The following DCLRE1C variants were observed in gnomAD, a reference collection of about 807,000 sequenced individuals.
The protein encoded by DCLRE1C is DNA cross-link repair 1C, also known as protein artemis.
A neutral mutation model predicts 61.4 loss-of-function variants in DCLRE1C; 47 were observed. The ratio of observed to expected loss-of-function variants is 0.77; its 90% CI spans 0.61 to 0.98. The LOEUF (loss-of-function observed/expected upper bound fraction) is 0.98, where lower values mean the gene tolerates loss of function less well. DCLRE1C is among the 50% of genes least tolerant of loss of function. The probability of loss-of-function intolerance (pLI) is 0.00; values close to 1 mark genes in which losing one functional copy is unlikely to be tolerated. For synonymous variants in DCLRE1C, 337 were observed against 287.6 expected (o/e 1.17, Z -1.74); for missense variants, 858 against 816.0 (o/e 1.05, Z -0.63).
chr10:14,946,006 C>CTTTT (rs927822514), intron 2 of DCLRE1C, among the ~76,000 whole-genome samples: 1 of 125,588 alleles, frequency 8.0e-6, no homozygotes, highest in Non-Finnish European at 1.7e-5. Flanking sequence ...TCATAATAAA[C>CTTTT]TTTTTTTTTC....
upstream of DCLRE1C, chr10:14,954,369 G>C (rs140710760): frequency 8.5e-3 from 3,230 of 380,286 alleles, 67 homozygotes; most frequent in South Asian, 0.042. Context: ...TCCCAGAGCA[G>C]GTGGCCCCAG....
At chr10:14,951,389 C>CAAAAAAAAAAAAAAA (rs60272216) in intron 1 of DCLRE1C, among the ~76,000 whole-genome samples, 3 of 46,036 alleles carry the variant, frequency 6.5e-5, no homozygotes, top group Admixed American at 3.8e-4. Context: ...AACCCTGTCT[C>CAAAAAAAAAAAAAAA]AAAAAAAAAA....
chr10:14,948,028 C>T (rs559854937), intron 2 of DCLRE1C, among the ~76,000 whole-genome samples: 2 of 151,974 alleles, frequency 1.3e-5, no homozygotes, highest in Non-Finnish European at 2.9e-5. Context: ...CCAGCCTGGG[C>T]GACAGAGCAA....
Position 14,909,227 on chromosome 10 carries a change from T to C in DCLRE1C, c.1260A>G (p.Ala420=). 6.2e-7 allele frequency: 1 copy of C among 1,614,048 alleles called. No individual in the cohort carries two copies. The highest frequency in any genetic ancestry group is 8.5e-7 in the Non-Finnish European group (1 of 1,179,982). ...TFHPEVFSMT[A]VSEKQPEKLR... The stretch of plus-strand genomic sequence containing the variant: ...GTTTTTCAGGCTGCTTTTCTGATAC[T>C]GCAGTCATTGAAAATACCTCAGGGT... The change falls in exon 14 of 14, where the codon GCA becomes GCG. Residue 420 remains alanine, a synonymous_variant. Coordinates refer to ENST00000378278, the MANE Select transcript of DCLRE1C (RefSeq NM_001033855.3).
intron 1 of DCLRE1C, among the ~76,000 whole-genome samples, chr10:14,951,651 AC>A (rs1244045417): frequency 6.6e-6 from 1 of 152,100 alleles, no homozygotes; most frequent in Non-Finnish European, 1.5e-5. Flanking sequence ...TGGAGAGGGC[AC>A]TTTTCCTAAC....
intron 2 of DCLRE1C, among the ~76,000 whole-genome samples, chr10:14,948,768 G>C (rs1842040943): frequency 6.7e-6 from 1 of 148,730 alleles, no homozygotes; most frequent in Non-Finnish European, 1.5e-5. Context: ...TATTTGGTAG[G>C]ATTATATATA....
chr10:14,927,048 A>G (rs1838123070), intron 10 of DCLRE1C, 151 bp from the exon 11 acceptor site: 1 of 699,024 alleles, frequency 1.4e-6, no homozygotes, highest in East Asian at 2.8e-5. Context: ...TAAATCAGGA[A>G]TTTCTTCTTG....
chr10:14,904,522 A>C (rs983435214), downstream of DCLRE1C, among the ~76,000 whole-genome samples: 3 of 152,118 alleles, frequency 2.0e-5, no homozygotes, highest in Non-Finnish European at 4.4e-5. Flanking sequence ...GTGTTTTACC[A>C]TCTAGTTATT....
chr10:14,898,190 G>T (rs1833725776), exon 14 of DCLRE1C: 1 of 136,686 alleles, frequency 7.3e-6, no homozygotes, highest in South Asian at 2.3e-4. Flanking sequence ...ACTCAGTGAG[G>T]TAGTACTGTT....
chr10:14,925,806 T>C (rs41298920), intron 11 of DCLRE1C, among the ~76,000 whole-genome samples: 6,916 of 152,262 alleles, frequency 0.045, 188 homozygotes, highest in Admixed American at 0.074. Flanking sequence ...TGGCACTTAA[T>C]AGATGGCAAA....
Position 14,935,645 on chromosome 10 carries a change from A to C in DCLRE1C, c.363-81T>G, listed in dbSNP as rs184513787. ...GCAAATACATGTGAGCTGCATACTA[A>C]ATGCTTCCTGCAAACATATCCATTA... On this transcript the variant is annotated intron_variant, in intron 5 of 13. Transcript: ENST00000378278. 1.4e-3 allele frequency: 1,872 copies of C among 1,318,572 alleles called. 1 individual carries two copies. Among genetic ancestry groups the C allele is most frequent in the Admixed American group, 2.9e-3 (174 of 59,038 alleles). 81.7% of individuals were successfully genotyped at this position (1,318,572 alleles called of 1,614,324 possible).
chr10:14,927,981 T>A (rs1390742334), intron 10 of DCLRE1C, 35 bp downstream of exon 10: 1 of 1,610,606 alleles, frequency 6.2e-7, no homozygotes, highest in Admixed American at 1.7e-5. Context: ...TTACTCAAAG[T>A]TTCTCTCAGA....
chr10:14,951,875 T>C (rs1425198540), intron 1 of DCLRE1C, among the ~76,000 whole-genome samples: 1 of 152,136 alleles, frequency 6.6e-6, no homozygotes, highest in Non-Finnish European at 1.5e-5. Context: ...ATATGAATTT[T>C]GTGGAGATAG....
chr10:14,915,574 T>C (rs1836043794), intron 13 of DCLRE1C, among the ~76,000 whole-genome samples: 1 of 151,306 alleles, frequency 6.6e-6, no homozygotes, highest in African/African-American at 2.4e-5. Flanking sequence ...TTACCAAAGT[T>C]AACTCAATAA....
Position 14,953,893 on chromosome 10 carries a change from C to T in DCLRE1C, c.109+9G>A. 1.2e-6 allele frequency: 2 copies of T among 1,613,880 alleles called. No homozygotes were observed. Among genetic ancestry groups the T allele is most frequent in the Non-Finnish European group, 1.7e-6 (2 of 1,179,916 alleles). ...CCCCGGGAGCGGGCGACGCGCAGCC[C>T]TCACTCACCTTTGTGGCAGTGGGAC... On this transcript the variant is annotated intron_variant, in intron 1 of 13. Transcript: ENST00000378278.
chr10:14,929,502 G>A lies in DCLRE1C; in HGVS notation c.781-1350C>T, dbSNP rs951469562. ...ACAAAAAAATGTAAAAATTAGCCAGGTGGGTGGTACACAACTGCAGTCCCA... is the reference window on the plus strand; with the variant it reads ...ACAAAAAAATGTAAAAATTAGCCAGATGGGTGGTACACAACTGCAGTCCCA... On this transcript the variant is annotated intron_variant, in intron 9 of 13. Coordinates refer to ENST00000378278, the MANE Select transcript of DCLRE1C (RefSeq NM_001033855.3). Among the ~76,000 whole-genome samples, 3 of 151,160 alleles carry A rather than the reference G, an allele frequency of 2.0e-5. No homozygotes were observed. In the East Asian group the frequency reaches 5.8e-4, roughly 29 times the overall value.
chr10:14,943,152 T>A (rs1310800755), intron 3 of DCLRE1C, among the ~76,000 whole-genome samples: 1 of 151,700 alleles, frequency 6.6e-6, no homozygotes, highest in Non-Finnish European at 1.5e-5. Flanking sequence ...GTAAACAGAC[T>A]CTTTGTGACA....
rs529836540 is a variant in DCLRE1C, at chr10:14,904,732, A to T, written c.*3676T>A. Among the ~76,000 whole-genome samples the T allele has an allele frequency of 3.0e-4, 45 of 152,322 alleles. No individual in the cohort carries two copies. The highest frequency in any genetic ancestry group is 9.1e-4 in the African/African-American group (38 of 41,574). On this transcript the variant is annotated 3_prime_UTR_variant, in exon 14 of 14. Coordinates refer to ENST00000378278, the MANE Select transcript of DCLRE1C (RefSeq NM_001033855.3). ...GCAGTGAAATAATAGAAACTAAAGG[A>T]TGTTATTAAGGGGTTTAACTATTTT...
chr10:14,946,401 A>G (rs2131130780), intron 2 of DCLRE1C, among the ~76,000 whole-genome samples: 1 of 152,316 alleles, frequency 6.6e-6, no homozygotes, highest in East Asian at 1.9e-4. Flanking sequence ...ACACAATGAC[A>G]TACACCATCC....
Sources: allele counts gnomAD v4.1 joint callset (sites outside exome capture counted in the v4.1 genomes callset), GRCh38; gene constraint gnomAD v4.1.1; transcripts MANE v1.5; gene names NCBI Gene and HGNC (gene_info 2026-07-23, HGNC 2026-07-21).